The following PSMD14 variants were observed in gnomAD, a reference collection of about 807,000 sequenced individuals.
PSMD14 encodes ubiquitin C-terminal hydrolase PSMD14.
In PSMD14, 7 loss-of-function variants were observed where a neutral mutation model predicts 41.2. The observed-to-expected ratio is 0.17, with a 90% CI of 0.10 to 0.32. The LOEUF (loss-of-function observed/expected upper bound fraction) is 0.32, where lower values mean the gene tolerates loss of function less well. PSMD14 is among the 10% of genes least tolerant of loss of function. The probability of loss-of-function intolerance (pLI) is 1.00; values close to 1 mark genes in which losing one functional copy is unlikely to be tolerated. For missense variants in PSMD14, 139 were observed against 375.6 expected (o/e 0.37, Z 5.21); for synonymous variants, 114 against 122.3 (o/e 0.93, Z 0.45).
At chr2:161,397,296 C>T (rs1440612265) in intron 10 of PSMD14, among the ~76,000 whole-genome samples, 2 of 152,144 alleles carry the variant, frequency 1.3e-5, no homozygotes, top group African/African-American at 4.8e-5. Context: ...TCTGGATTAC[C>T]ATGGTAGCAG....
At chr2:161,369,765 A>G (rs987100170) in intron 5 of PSMD14, among the ~76,000 whole-genome samples, 1 of 152,102 alleles carries the variant, frequency 6.6e-6, no homozygotes, top group Non-Finnish European at 1.5e-5. Context: ...GTCATCAGTT[A>G]TGATAGGATG....
intron 3 of PSMD14, among the ~76,000 whole-genome samples, chr2:161,361,317 G>C (rs1683286434): frequency 6.6e-6 from 1 of 152,102 alleles, no homozygotes; most frequent in South Asian, 2.1e-4. Flanking sequence ...CTGCAACACT[G>C]TAATAGTTCA....
At chr2:161,411,231 A>G in intron 11 of PSMD14, 71 bp from the exon 12 acceptor site, 1 of 1,006,736 alleles carries the variant, frequency 9.9e-7, no homozygotes, top group Non-Finnish European at 1.4e-6. Flanking sequence ...TCAGCTACTG[A>G]AAAAAATTTA....
chr2:161,358,517 C>T (rs1683237988), intron 3 of PSMD14, among the ~76,000 whole-genome samples: 1 of 152,138 alleles, frequency 6.6e-6, no homozygotes, highest in Non-Finnish European at 1.5e-5. Flanking sequence ...CTAGGTAGCT[C>T]CTCCCAATCC....
chr2:161,391,058 G>A, intron 8 of PSMD14, 46 bp from the exon 9 acceptor site: 1 of 1,397,540 alleles, frequency 7.2e-7, no homozygotes, highest in Non-Finnish European at 9.4e-7. Flanking sequence ...TTTTTATTAG[G>A]TGAAAAATAT....
intron 3 of PSMD14, among the ~76,000 whole-genome samples, chr2:161,364,381 G>A (rs1250856936): frequency 6.6e-6 from 1 of 152,120 alleles, no homozygotes; most frequent in Non-Finnish European, 1.5e-5. Context: ...TGGGGGAGTG[G>A]CAGGCCAGGG....
chr2:161,396,439 C>G (rs1302952583), intron 10 of PSMD14, among the ~76,000 whole-genome samples: 1 of 152,012 alleles, frequency 6.6e-6, no homozygotes, highest in Non-Finnish European at 1.5e-5. Flanking sequence ...CAATGGAATA[C>G]TATTCAGCCA....
At chr2:161,340,754 T>A (rs943191239) in intron 3 of PSMD14, 176 of 1,610,806 alleles carry the variant, frequency 1.1e-4, no homozygotes, top group Non-Finnish European at 1.4e-4. Flanking sequence ...CCATTTTATC[T>A]CTCAAGCTTT....
chr2:161,392,342 CA>C (rs1301659544), intron 9 of PSMD14, among the ~76,000 whole-genome samples: 3 of 152,154 alleles, frequency 2.0e-5, no homozygotes, highest in Non-Finnish European at 4.4e-5. Context: ...GATAAGTAAT[CA>C]GTAGCAAATA....
intron 7 of PSMD14, chr2:161,382,977 C>T (rs183991549): frequency 6.6e-6 from 1 of 151,094 alleles, no homozygotes; most frequent in East Asian, 1.9e-4. Context: ...TCTATTGCAT[C>T]ATGCTGTAAA....
chr2:161,379,375 T>C (rs1683544898), intron 7 of PSMD14, among the ~76,000 whole-genome samples: 1 of 152,000 alleles, frequency 6.6e-6, no homozygotes, highest in Admixed American at 6.6e-5. Context: ...GCAGGAGTAG[T>C]ATCAAGATTC....
At chr2:161,333,632 C>A (rs1682825545) in intron 3 of PSMD14, among the ~76,000 whole-genome samples, 1 of 152,216 alleles carries the variant, frequency 6.6e-6, no homozygotes, top group Non-Finnish European at 1.5e-5. Flanking sequence ...GGATCTTGTT[C>A]CTATTCTTCT....
chr2:161,378,951 T>A (rs1683538475), intron 7 of PSMD14, among the ~76,000 whole-genome samples: 1 of 152,046 alleles, frequency 6.6e-6, no homozygotes, highest in Admixed American at 6.6e-5. Flanking sequence ...CTAAAATGCC[T>A]TTGCCTATTG....
At chr2:161,341,095 C>T in intron 3 of PSMD14, 3 of 1,513,104 alleles carry the variant, frequency 2.0e-6, no homozygotes, top group Non-Finnish European at 2.7e-6. Flanking sequence ...CCCAGCCCCG[C>T]GGGCTCTCCA....
At chr2:161,346,188 A>G (rs1295421270) in intron 3 of PSMD14, among the ~76,000 whole-genome samples, 1 of 151,968 alleles carries the variant, frequency 6.6e-6, no homozygotes, top group African/African-American at 2.4e-5. Flanking sequence ...CGGCCATTTA[A>G]TTTTTTTGTT....
intron 3 of PSMD14, among the ~76,000 whole-genome samples, chr2:161,359,089 C>T (rs1014427465): frequency 6.6e-6 from 1 of 152,104 alleles, no homozygotes; most frequent in African/African-American, 2.4e-5. Context: ...CCACCTTAAC[C>T]TTCTGAGTAG....
At chr2:161,358,552 T>G (rs1208465884) in intron 3 of PSMD14, among the ~76,000 whole-genome samples, 1 of 152,214 alleles carries the variant, frequency 6.6e-6, no homozygotes, top group Non-Finnish European at 1.5e-5. Context: ...TCTGCCCATT[T>G]CTGCCCATTA....
At chr2:161,391,637 A>T (rs1432709218) in intron 9 of PSMD14, among the ~76,000 whole-genome samples, 1 of 152,084 alleles carries the variant, frequency 6.6e-6, no homozygotes, top group Admixed American at 6.6e-5. Flanking sequence ...TGTCTCCCAG[A>T]CTAGAGTGCA....
At chr2:161,406,569 G>T (rs542778463) in intron 10 of PSMD14, among the ~76,000 whole-genome samples, 4 of 152,296 alleles carry the variant, frequency 2.6e-5, no homozygotes, top group African/African-American at 7.2e-5. Flanking sequence ...AACTGGTCTT[G>T]CCCAGATGGT....
Sources: gnomAD v4.1 joint callset for allele counts (sites outside exome capture counted in the v4.1 genomes callset) on GRCh38, gnomAD v4.1.1 for gene constraint, MANE v1.5 for transcripts, NCBI Gene and HGNC (gene_info 2026-07-23, HGNC 2026-07-21) for gene names.